Variants in STXBP6 observed in about 807,000 individuals in gnomAD.
STXBP6 encodes syntaxin binding protein 6.
A neutral mutation model predicts 26.9 loss-of-function variants in STXBP6; 21 were observed. The ratio of observed to expected loss-of-function variants is 0.78; its 90% confidence interval spans 0.55 to 1.12. STXBP6 has a LOEUF of 1.12. STXBP6 is among the 50% of genes most tolerant of loss of function. The pLI, the probability that STXBP6 is intolerant of heterozygous loss-of-function variation, is 0.00. For synonymous variants in STXBP6, 97 were observed against 92.6 expected (o/e 1.05, Z -0.27); for missense variants, 232 against 257.9 (o/e 0.90, Z 0.69).
Position 24,822,655 on chromosome 14 carries a change from C to T in STXBP6, c.452-3461G>A, listed in dbSNP as rs1264528500. ...TGTACACGCAGTGTCTCCAGGTACT[C>T]AATGGAAGTTTGTCCCTCCACCCCC... On this transcript the variant is annotated intron_variant, in intron 4 of 5. Transcript: ENST00000323944. Among the ~76,000 whole-genome samples the T allele has an allele frequency of 2.6e-5, 4 of 152,020 alleles. No homozygotes were observed. In the East Asian group the frequency reaches 7.7e-4, roughly 29 times the overall value.
chr14:24,910,120 A>C (rs1159036008), intron 2 of STXBP6, among the ~76,000 whole-genome samples: 1 of 152,078 alleles, frequency 6.6e-6, no homozygotes, highest in Non-Finnish European at 1.5e-5. Flanking sequence ...GGTGAAGCAC[A>C]CGCCCGCTTC....
intron 4 of STXBP6, among the ~76,000 whole-genome samples, chr14:24,844,868 T>C (rs1307555163): frequency 1.3e-5 from 2 of 152,116 alleles, no homozygotes; most frequent in African/African-American, 4.8e-5. Context: ...GAAAAGGGAA[T>C]TGTTAATCTC....
At chr14:25,000,369 T>C (rs981911319) in intron 1 of STXBP6, among the ~76,000 whole-genome samples, 6 of 151,776 alleles carry the variant, frequency 4.0e-5, no homozygotes, top group Admixed American at 2.6e-4. Context: ...GGCCTTTTTT[T>C]TTTTTTGAAA....
At chr14:24,818,983 A>G in intron 5 of STXBP6, 54 bp downstream of exon 5, 1 of 1,506,284 alleles carries the variant, frequency 6.6e-7, no homozygotes, top group Non-Finnish European at 8.9e-7. Flanking sequence ...GTTTCTTGGC[A>G]CTGTAGCTCC....
At chr14:24,933,497 C>A (rs1400863525) in intron 2 of STXBP6, among the ~76,000 whole-genome samples, 1 of 152,148 alleles carries the variant, frequency 6.6e-6, no homozygotes, top group East Asian at 1.9e-4. Flanking sequence ...AGTACAGACA[C>A]AATTTCTGCA....
rs369727995 is a variant in STXBP6, at chr14:24,869,302, G to C, written c.155-12145C>G. 4.6e-5 allele frequency among the ~76,000 whole-genome samples: 7 copies of C among 152,152 alleles called. No homozygotes were observed. In the East Asian group the frequency reaches 7.7e-4, roughly 17 times the overall value. On this transcript the variant is annotated intron_variant, in intron 2 of 5. Transcript: ENST00000323944. ...CAGGCACACCTGACTACCAAATCCT[G>C]CTATGTGGTAAAGAGCAGCTTCTCT...
At chr14:25,032,015 T>C (rs2075465536) in intron 1 of STXBP6, among the ~76,000 whole-genome samples, 1 of 152,028 alleles carries the variant, frequency 6.6e-6, no homozygotes, top group African/African-American at 2.4e-5. Context: ...AGAAATATGG[T>C]GGTAAATACA....
chr14:24,845,433 G>A (rs960536207), intron 4 of STXBP6, among the ~76,000 whole-genome samples: 4 of 152,196 alleles, frequency 2.6e-5, no homozygotes, highest in African/African-American at 9.7e-5. Flanking sequence ...AGCTGCTAAA[G>A]TAAGGAACTT....
chr14:25,050,074 G>A lies in STXBP6; in HGVS notation c.-229C>T. On this transcript the variant is annotated 5_prime_UTR_variant, in exon 1 of 6. Coordinates refer to ENST00000323944, the MANE Select transcript of STXBP6 (RefSeq NM_001394410.1). Reference sequence around the variant, plus strand: ...GCGCGCGAAAAGGGAGGGGTTGGGGGGAAACTCCCGGCAACTCCAACTCCG... The same window carrying A: ...GCGCGCGAAAAGGGAGGGGTTGGGGAGAAACTCCCGGCAACTCCAACTCCG... 6.1e-6 allele frequency: 1 copy of A among 164,508 alleles called. No individual in the cohort carries two copies. Among genetic ancestry groups the A allele is most frequent in the South Asian group, 2.0e-4 (1 of 5,020 alleles). 10.2% of individuals were successfully genotyped at this position (164,508 alleles called of 1,614,324 possible).
chr14:24,860,424 T>C (rs2069494435), intron 2 of STXBP6, among the ~76,000 whole-genome samples: 1 of 152,130 alleles, frequency 6.6e-6, no homozygotes, highest in South Asian at 2.1e-4. Context: ...AGAGCTCATA[T>C]ACCGCCAAGA....
chr14:24,972,744 GC>G (rs2073937734), intron 2 of STXBP6, among the ~76,000 whole-genome samples: 1 of 152,154 alleles, frequency 6.6e-6, no homozygotes, highest in Admixed American at 6.5e-5. Context: ...GATAGCTCAT[GC>G]CTGTAATCCC....
intron 1 of STXBP6, among the ~76,000 whole-genome samples, chr14:25,009,207 T>C (rs764053605): frequency 5.6e-4 from 85 of 152,242 alleles, no homozygotes; most frequent in Non-Finnish European, 1.1e-3. Context: ...TTAAAGCAAT[T>C]AAAAAATGAA....
At chr14:25,041,750 C>G (rs2075646434) in intron 1 of STXBP6, among the ~76,000 whole-genome samples, 1 of 152,348 alleles carries the variant, frequency 6.6e-6, no homozygotes, top group Admixed American at 6.5e-5. Context: ...CGCAGTGAGT[C>G]CCAGTGAAGC....
intron 2 of STXBP6, among the ~76,000 whole-genome samples, chr14:24,928,867 C>T (rs2072278069): frequency 6.6e-6 from 1 of 151,456 alleles, no homozygotes; most frequent in Non-Finnish European, 1.5e-5. Flanking sequence ...TTAAATTGAC[C>T]AAAAAATAAA....
intron 2 of STXBP6, among the ~76,000 whole-genome samples, chr14:24,861,041 AAG>A (rs1253291363): frequency 6.6e-6 from 1 of 151,992 alleles, no homozygotes; most frequent in African/African-American, 2.4e-5. Flanking sequence ...TTCTCAAAAA[AAG>A]AAAGAAAGAA....
Position 24,812,626 on chromosome 14 carries a change from A to G in STXBP6, c.*83T>C. The G allele has an allele frequency of 4.4e-6, 6 of 1,372,586 alleles. No homozygotes were observed. The highest frequency in any genetic ancestry group is 6.2e-6 in the Non-Finnish European group (6 of 964,964). 85.0% of individuals were successfully genotyped at this position (1,372,586 alleles called of 1,614,324 possible). On this transcript the variant is annotated 3_prime_UTR_variant, in exon 6 of 6. Transcript: ENST00000323944. ...TCCAAATATTGGAAAAAAAGAAGCA[A>G]GCGGAGGTCCCGAATTCTTGTAAAA...
intron 5 of STXBP6, chr14:24,817,289 C>G (rs569947137): frequency 6.6e-6 from 1 of 152,362 alleles, no homozygotes; most frequent in Admixed American, 6.5e-5. Flanking sequence ...ACAGCCCCCT[C>G]TGGGAGGGAC....
intron 2 of STXBP6, among the ~76,000 whole-genome samples, chr14:24,926,938 T>A (rs1197928661): frequency 9.3e-5 from 14 of 150,570 alleles, no homozygotes; most frequent in African/African-American, 3.2e-4. Flanking sequence ...TGCTGCTATT[T>A]AAAAAAAAAA....
At chr14:24,829,706 T>C (rs1214887939) in intron 4 of STXBP6, among the ~76,000 whole-genome samples, 1 of 151,676 alleles carries the variant, frequency 6.6e-6, no homozygotes, top group Non-Finnish European at 1.5e-5. Context: ...TTTGGTTACC[T>C]ATTATTTGCA....
Sources: allele counts gnomAD v4.1 joint callset (sites outside exome capture counted in the v4.1 genomes callset), GRCh38; gene constraint gnomAD v4.1.1; transcripts MANE v1.5; gene names NCBI Gene and HGNC (gene_info 2026-07-23, HGNC 2026-07-21).